Variants in BLTP1 observed in about 807,000 individuals in gnomAD.
BLTP1 encodes fragile site-associated protein.
At chr4:122,359,546 T>C in the BLTP1 span, 1 of 1,606,754 alleles carries the variant, frequency 6.2e-7, no homozygotes, top group Non-Finnish European at 8.5e-7. Flanking sequence ...TAATCTAAAT[T>C]TTCCTTATAG....
At chr4:122,178,491 G>A in the BLTP1 span, among the ~76,000 whole-genome samples, 1 of 152,154 alleles carries the variant, frequency 6.6e-6, no homozygotes, top group Admixed American at 6.6e-5. Context: ...TCTCTAACTT[G>A]CTGGGCATGT....
the BLTP1 span, among the ~76,000 whole-genome samples, chr4:122,188,641 T>C: frequency 6.6e-6 from 1 of 151,906 alleles, no homozygotes; most frequent in Admixed American, 6.6e-5. Context: ...AGTAGCTGCT[T>C]GTATTTATAA....
the BLTP1 span, among the ~76,000 whole-genome samples, chr4:122,323,686 A>C: frequency 6.6e-6 from 1 of 152,072 alleles, no homozygotes; most frequent in Non-Finnish European, 1.5e-5. Context: ...GATCTGTAAC[A>C]TGTAATTTTA....
At chr4:122,201,925 GCATATGTAGGTAGT>G in the BLTP1 span, 1 of 957,970 alleles carries the variant, frequency 1.0e-6, no homozygotes, top group African/African-American at 1.8e-5. Flanking sequence ...GGTGTTTAAG[GCATATGTAGGTAGT>G]CCTCTCCTGA....
At chr4:122,206,021 AT>A in the BLTP1 span, 753 of 983,460 alleles carry the variant, frequency 7.7e-4, 6 homozygotes, top group African/African-American at 0.012. Flanking sequence ...AAGAGCTTTT[AT>A]TTATTGGGAT....
chr4:122,274,985 TCAGA>T, the BLTP1 span, among the ~76,000 whole-genome samples: 278 of 152,236 alleles, frequency 1.8e-3, 2 homozygotes, highest in African/African-American at 6.2e-3. Context: ...AATCAGCAAC[TCAGA>T]CAGGGCCCAT....
At chr4:122,254,742 G>A in the BLTP1 span, 3 of 1,423,630 alleles carry the variant, frequency 2.1e-6, no homozygotes, top group Non-Finnish European at 9.3e-7. Context: ...AGTAGGTATG[G>A]GAGATTGTTT....
the BLTP1 span, among the ~76,000 whole-genome samples, chr4:122,331,984 C>T: frequency 1.3e-5 from 2 of 151,950 alleles, no homozygotes. Context: ...CAGGATATAA[C>T]TGCAGCTTTA....
chr4:122,312,229 TCTCA>T, the BLTP1 span, among the ~76,000 whole-genome samples: 28 of 152,086 alleles, frequency 1.8e-4, no homozygotes, highest in Non-Finnish European at 3.7e-4. Flanking sequence ...ATAGATGGAG[TCTCA>T]CTATGTTGCC....
the BLTP1 span, chr4:122,271,061 TTAATGTTG>T: frequency 6.2e-7 from 1 of 1,613,518 alleles, no homozygotes; most frequent in Non-Finnish European, 8.5e-7. Context: ...CAAACCAGCA[TTAATGTTG>T]GGAACCTTTA....
the BLTP1 span, among the ~76,000 whole-genome samples, chr4:122,284,654 G>A: frequency 2.6e-5 from 4 of 152,108 alleles, no homozygotes; most frequent in East Asian, 1.9e-4. Flanking sequence ...ATGGTCAACT[G>A]TAGTCCAAAA....
At chr4:122,219,115 T>TTAC in the BLTP1 span, 1 of 983,132 alleles carries the variant, frequency 1.0e-6, no homozygotes, top group African/African-American at 1.7e-5. Flanking sequence ...TTCTATAAAA[T>TTAC]AGGCTCTGTA....
chr4:122,316,891 A>G, the BLTP1 span: 1 of 1,424,360 alleles, frequency 7.0e-7, no homozygotes, highest in Non-Finnish European at 9.6e-7. Flanking sequence ...AATTTAATAT[A>G]ATGTTCCCTA....
the BLTP1 span, chr4:122,222,973 G>A: frequency 6.0e-5 from 57 of 957,506 alleles, no homozygotes; most frequent in Non-Finnish European, 6.3e-5. Flanking sequence ...ATGTAATTTT[G>A]AGATTAAAAA....
chr4:122,299,452 GA>G, the BLTP1 span, among the ~76,000 whole-genome samples: 1 of 152,158 alleles, frequency 6.6e-6, no homozygotes, highest in Non-Finnish European at 1.5e-5. Context: ...GAATTCAAAT[GA>G]TGAAAAGCAG....
chr4:122,170,046 C>T, the BLTP1 span: 3 of 954,994 alleles, frequency 3.1e-6, no homozygotes, highest in Non-Finnish European at 3.7e-6. Flanking sequence ...GTGGCTCACG[C>T]ATGTAATCCC....
At chr4:122,200,512 G>A in the BLTP1 span, 11 of 869,982 alleles carry the variant, frequency 1.3e-5, no homozygotes, top group African/African-American at 3.7e-5. Context: ...GCTGGGAGGC[G>A]GAGGTTGCAG....
chr4:122,175,177 CTT>C, the BLTP1 span: 6 of 984,512 alleles, frequency 6.1e-6, no homozygotes, highest in African/African-American at 1.7e-5. Context: ...AAATTTGTGA[CTT>C]AGGTAGAATT....
At chr4:122,247,311 A>G in the BLTP1 span, 1 of 1,613,460 alleles carries the variant, frequency 6.2e-7, no homozygotes, top group Non-Finnish European at 8.5e-7. Context: ...CAGCTAAGTT[A>G]AACATTCATC....
Sources: gnomAD v4.1 joint callset for allele counts (sites outside exome capture counted in the v4.1 genomes callset) on GRCh38, gnomAD v4.1.1 for gene constraint, MANE v1.5 for transcripts, NCBI Gene and HGNC (gene_info 2026-07-23, HGNC 2026-07-21) for gene names.